The following TMED3 variants were observed in gnomAD, a reference collection of about 807,000 sequenced individuals.
The protein encoded by TMED3 is transmembrane p24 trafficking protein 3.
A neutral mutation model predicts 15.0 loss-of-function variants in TMED3; 9 were observed. The ratio of observed to expected loss-of-function variants is 0.60; its 90% confidence interval spans 0.36 to 1.04. The LOEUF (loss-of-function observed/expected upper bound fraction) is 1.04, where lower values mean the gene tolerates loss of function less well. Ranked by LOEUF, TMED3 falls within the 50% of genes least tolerant of loss-of-function variation. The pLI is 0.01. For synonymous variants in TMED3, 117 were observed against 121.4 expected (o/e 0.96, Z 0.24); for missense variants, 267 against 278.9 (o/e 0.96, Z 0.30).
rs557362594 is a variant in TMED3, at chr15:79,314,654, G to C, written c.417+649G>C. The C allele has an allele frequency of 1.2e-3, 505 of 418,694 alleles. 2 individuals carry two copies. The highest frequency in any genetic ancestry group is 2.0e-3 in the Non-Finnish European group (398 of 200,762). The allele number at this position is 418,694 out of a possible 1,614,324, so 25.9% of individuals were successfully genotyped here. ...TACGTATCACCTGCTCATGTCCCATGGGTGAGAACTTAGTCATGTGGCAAA... is the reference window on the plus strand; with the variant it reads ...TACGTATCACCTGCTCATGTCCCATCGGTGAGAACTTAGTCATGTGGCAAA... On this transcript the variant is annotated intron_variant, in intron 2 of 2. Transcript: ENST00000299705.
At chr15:79,397,176 T>C (rs1310787430) in intron 2 of TMED3, among the ~76,000 whole-genome samples, 1 of 152,252 alleles carries the variant, frequency 6.6e-6, no homozygotes, top group Non-Finnish European at 1.5e-5. Flanking sequence ...TTTCCTTTTC[T>C]TGTCTGTTTG....
chr15:79,317,392 ATGCTGACCAGTAC>A (rs981016124), intron 2 of TMED3, among the ~76,000 whole-genome samples: 2 of 152,016 alleles, frequency 1.3e-5, no homozygotes, highest in African/African-American at 4.8e-5. Context: ...AAGGCTGGAG[ATGCTGACCAGTAC>A]TGCTGAATTC....
chr15:79,332,660 G>A (rs893015932), intron 2 of TMED3, among the ~76,000 whole-genome samples: 1 of 152,170 alleles, frequency 6.6e-6, no homozygotes, highest in Non-Finnish European at 1.5e-5. Context: ...GCCCATTCTC[G>A]CTTATCATTC....
At chr15:79,330,301 C>A (rs954975322) in intron 2 of TMED3, among the ~76,000 whole-genome samples, 9 of 152,116 alleles carry the variant, frequency 5.9e-5, no homozygotes, top group African/African-American at 2.2e-4. Flanking sequence ...AAAGACTCCA[C>A]CAGAAAACTA....
Position 79,322,541 on chromosome 15 carries a change from CT to C in TMED3, c.*329del, listed in dbSNP as rs1297402232. On this transcript the variant is annotated 3_prime_UTR_variant, in exon 3 of 3. Transcript: ENST00000299705. ...GCAGGAACTCCAAGTGCCCAGGCCT[CT>C]TGGGCAGCTTAGGGCCCTGCCTCTG... The C allele has an allele frequency of 9.6e-6, 11 of 1,151,006 alleles. No individual in the cohort carries two copies. The highest frequency in any genetic ancestry group is 1.2e-5 in the Non-Finnish European group (11 of 933,386). 71.3% of individuals were successfully genotyped at this position (1,151,006 alleles called of 1,614,324 possible).
rs71150905 is a variant in TMED3, at chr15:79,377,644, C to CTT, written c.418-33736_418-33735dup. Among the ~76,000 whole-genome samples the CTT allele has an allele frequency of 5.0e-3, 618 of 123,526 alleles. 7 individuals carry two copies. The highest frequency in any genetic ancestry group is 7.3e-3 in the African/African-American group (239 of 32,650). The allele number at this position is 123,526 out of a possible 152,430, so 81.0% of individuals were successfully genotyped here. ...AAAAATTGCATATGAACAAACCGTT[C>CTT]TTTTTTTTTTTTTTTTTTTTTGAGA... On this transcript the variant is annotated intron_variant, in intron 2 of 2. Coordinates refer to the TMED3 transcript ENST00000424155.
intron 2 of TMED3, among the ~76,000 whole-genome samples, chr15:79,337,267 G>T (rs72740318): frequency 2.0e-5 from 3 of 151,976 alleles, no homozygotes; most frequent in Non-Finnish European, 4.4e-5. Context: ...GTCCTCACAC[G>T]GTCCCTTCCC....
At chr15:79,389,716 T>G (rs1171104188) in intron 2 of TMED3, among the ~76,000 whole-genome samples, 1 of 151,338 alleles carries the variant, frequency 6.6e-6, no homozygotes, top group African/African-American at 2.4e-5. Flanking sequence ...ATTCCACCCA[T>G]CCATGAGCAT....
chr15:79,381,559 G>A (rs1893536426), intron 2 of TMED3, among the ~76,000 whole-genome samples: 1 of 152,220 alleles, frequency 6.6e-6, no homozygotes, highest in Non-Finnish European at 1.5e-5. Flanking sequence ...TAGAACAAGT[G>A]CTAAATGTCA....
intron 1 of TMED3, among the ~76,000 whole-genome samples, chr15:79,313,454 C>A (rs924502751): frequency 2.0e-5 from 3 of 152,160 alleles, no homozygotes; most frequent in Non-Finnish European, 4.4e-5. Context: ...AACCTTGGAA[C>A]CTCAGTTTCT....
At chr15:79,382,918 T>A in intron 2 of TMED3, 1 of 1,514,016 alleles carries the variant, frequency 6.6e-7, no homozygotes, top group Middle Eastern at 1.7e-4. Context: ...TTTATTCCCA[T>A]TGACAAAGTC....
chr15:79,408,429 G>A (rs1028697593), intron 2 of TMED3, among the ~76,000 whole-genome samples: 8 of 152,342 alleles, frequency 5.3e-5, no homozygotes, highest in South Asian at 2.1e-4. Context: ...ACTGACTCCC[G>A]AGGTGGTCGG....
intron 2 of TMED3, among the ~76,000 whole-genome samples, chr15:79,398,689 G>A (rs1433544541): frequency 7.0e-6 from 1 of 143,824 alleles, no homozygotes; most frequent in Admixed American, 6.9e-5. Flanking sequence ...AAGGCCATCT[G>A]CTTTACTCAG....
At chr15:79,316,591 C>T (rs1596049488) in intron 2 of TMED3, among the ~76,000 whole-genome samples, 1 of 152,116 alleles carries the variant, frequency 6.6e-6, no homozygotes, top group African/African-American at 2.4e-5. Flanking sequence ...AAGACCTCGG[C>T]ATCCGCTGGT....
downstream of TMED3, among the ~76,000 whole-genome samples, chr15:79,323,665 G>A (rs1435303822): frequency 1.3e-5 from 2 of 152,152 alleles, no homozygotes; most frequent in Non-Finnish European, 2.9e-5. Context: ...CCACCAGCCT[G>A]AATGTAATGC....
chr15:79,366,756 G>C (rs905042581), intron 2 of TMED3, among the ~76,000 whole-genome samples: 1 of 152,206 alleles, frequency 6.6e-6, no homozygotes, highest in African/African-American at 2.4e-5. Context: ...AGAGCCTGGG[G>C]ATGGCTTCAC....
In TMED3 at chr15:79,405,527, C is replaced by T. The variant is rs1333062640; in HGVS notation, c.418-5873C>T. On this transcript the variant is annotated intron_variant, in intron 2 of 2. Transcript: ENST00000424155. ...CACGCTGCTTTCAAAATCCCAAGAA[C>T]CCTACCAAACCTTAGTGGTAGAGAT... Among the ~76,000 whole-genome samples, 3 of 152,168 alleles carry T rather than the reference C, an allele frequency of 2.0e-5. No individual in the cohort carries two copies. In the East Asian group the frequency reaches 5.8e-4, roughly 29 times the overall value.
chr15:79,327,977 G>T (rs2058793272), intron 2 of TMED3, among the ~76,000 whole-genome samples: 1 of 152,190 alleles, frequency 6.6e-6, no homozygotes, highest in Non-Finnish European at 1.5e-5. Context: ...AATTCTAAGA[G>T]CTACAAAAGT....
downstream of TMED3, chr15:79,322,916 T>C: frequency 1.0e-6 from 1 of 983,898 alleles, no homozygotes. Context: ...TGTGCATAAA[T>C]AATTAGAATG....
Sources: allele counts gnomAD v4.1 joint callset (sites outside exome capture counted in the v4.1 genomes callset), GRCh38; gene constraint gnomAD v4.1.1; transcripts MANE v1.5; gene names NCBI Gene and HGNC (gene_info 2026-07-23, HGNC 2026-07-21).